The following CSNK1G1 variants were observed in gnomAD, a reference collection of about 807,000 sequenced individuals.
The protein encoded by CSNK1G1 is casein kinase 1 gamma 1.
In CSNK1G1, 22 loss-of-function variants were observed where a neutral mutation model predicts 59.6. The observed-to-expected ratio is 0.37, with a 90% CI of 0.26 to 0.53. The LOEUF is 0.53. CSNK1G1 is among the 20% of genes least tolerant of loss of function. The probability of loss-of-function intolerance (pLI) is 0.89; values close to 1 mark genes in which losing one functional copy is unlikely to be tolerated. For synonymous variants in CSNK1G1, 179 were observed against 177.1 expected (o/e 1.01, Z -0.08); for missense variants, 384 against 519.5 (o/e 0.74, Z 2.54).
At chr15:64,237,141 G>A (rs987661252) in intron 4 of CSNK1G1, among the ~76,000 whole-genome samples, 4 of 152,144 alleles carry the variant, frequency 2.6e-5, no homozygotes, top group African/African-American at 7.2e-5. Flanking sequence ...GTGGGAGGGG[G>A]AAGGAAGATG....
intron 2 of CSNK1G1, among the ~76,000 whole-genome samples, chr15:64,264,843 CAATA>C (rs1892896976): frequency 6.6e-6 from 1 of 152,182 alleles, no homozygotes; most frequent in Admixed American, 6.5e-5. Context: ...TAAAAACTCT[CAATA>C]AATTAGGCAT....
intron 2 of CSNK1G1, among the ~76,000 whole-genome samples, chr15:64,272,943 A>C (rs932850402): frequency 6.6e-6 from 1 of 152,066 alleles, no homozygotes. Context: ...TGCTCAAGAG[A>C]TCCACCCACC....
chr15:64,247,788 C>T (rs1231777725), intron 4 of CSNK1G1, among the ~76,000 whole-genome samples: 1 of 152,060 alleles, frequency 6.6e-6, no homozygotes, highest in Non-Finnish European at 1.5e-5. Flanking sequence ...GGTCATAGTC[C>T]CAGGACAACA....
chr15:64,264,569 C>T (rs2140338466), intron 2 of CSNK1G1, among the ~76,000 whole-genome samples: 1 of 152,240 alleles, frequency 6.6e-6, no homozygotes, highest in East Asian at 1.9e-4. Flanking sequence ...CAGGATAAAA[C>T]AAAATAAAAC....
At chr15:64,198,658 A>G (rs1224302604) in intron 10 of CSNK1G1, among the ~76,000 whole-genome samples, 2 of 152,044 alleles carry the variant, frequency 1.3e-5, no homozygotes, top group African/African-American at 4.8e-5. Flanking sequence ...ACTTGAAAGG[A>G]ATTAGTCTAG....
intron 11 of CSNK1G1, among the ~76,000 whole-genome samples, chr15:64,175,421 A>C (rs2081730474): frequency 6.6e-6 from 1 of 152,176 alleles, no homozygotes. Context: ...TCCAGACTGC[A>C]ACAGACCAAC....
At chr15:64,278,372 ATGTGCGTGTG>A (rs1893884695) in intron 2 of CSNK1G1, among the ~76,000 whole-genome samples, 2 of 119,036 alleles carry the variant, frequency 1.7e-5, no homozygotes, top group Admixed American at 8.8e-5. Flanking sequence ...ATATGCATGT[ATGTGCGTGTG>A]TGTGTGTGTG....
At chr15:64,277,851 A>AT (rs1380941030) in intron 2 of CSNK1G1, among the ~76,000 whole-genome samples, 363 of 121,766 alleles carry the variant, frequency 3.0e-3, no homozygotes, top group Non-Finnish European at 4.3e-3. Flanking sequence ...ATATTTAATA[A>AT]TAATATTGAT....
chr15:64,263,292 G>A (rs983475544), intron 2 of CSNK1G1, among the ~76,000 whole-genome samples: 5 of 151,676 alleles, frequency 3.3e-5, no homozygotes, highest in Admixed American at 2.0e-4. Context: ...TGGTTCAAGC[G>A]ATTCTCCTGC....
chr15:64,320,823 A>T (rs1407038357), intron 1 of CSNK1G1, among the ~76,000 whole-genome samples: 1 of 152,140 alleles, frequency 6.6e-6, no homozygotes, highest in Admixed American at 6.6e-5. Flanking sequence ...ATTTTTTAAA[A>T]TTTTTAAATA....
Position 64,176,411 on chromosome 15 carries a change from T to TA in CSNK1G1, c.1214+3936dup, listed in dbSNP as rs1186176502. ...CAAACATGCAGTATGTGTCTGTGTT[T>TA]AGTTTCTTCTTCTGTCAAGGTAGGC... is the stretch of plus-strand genomic sequence containing the variant. On this transcript the variant is annotated intron_variant, in intron 11 of 11. Coordinates refer to ENST00000303052, the MANE Select transcript of CSNK1G1 (RefSeq NM_022048.5). This position sits in a 1 kb window ranked among gnomAD's most constrained non-coding sequence, Gnocchi z 5.2. 19 of 396,580 alleles carry TA rather than the reference T, an allele frequency of 4.8e-5. No individual in the cohort carries two copies. Among genetic ancestry groups the TA allele is most frequent in the Non-Finnish European group, 7.5e-5 (17 of 225,266 alleles). 24.6% of individuals were successfully genotyped at this position (396,580 alleles called of 1,614,324 possible). A position where few individuals can be genotyped will look rare whatever the true frequency, so the allele number is the denominator to read the frequency against.
chr15:64,350,360 G>T (rs1008929417), intron 1 of CSNK1G1, among the ~76,000 whole-genome samples: 1 of 152,018 alleles, frequency 6.6e-6, no homozygotes, highest in Non-Finnish European at 1.5e-5. Context: ...AATTAGCCGG[G>T]TGTGGTGGCA....
At position 64,213,796 on chromosome 15, in the gene CSNK1G1, C is replaced by T. The variant is rs1480179048; in HGVS notation, c.679+94G>A. 4 of 873,456 alleles carry T rather than the reference C, an allele frequency of 4.6e-6. No homozygotes were observed. The African/African-American group carries it at 5.1e-5, about 11-fold the overall frequency. 54.1% of individuals were successfully genotyped at this position (873,456 alleles called of 1,614,324 possible). A position where few individuals can be genotyped will look rare whatever the true frequency, so the allele number is the denominator to read the frequency against. ...ACTCAACCTTGTGAAACAATAAAAA[C>T]CACAAGTTGTAATGCACAATGGGGA... is the stretch of plus-strand genomic sequence containing the variant. On this transcript the variant is annotated intron_variant, in intron 6 of 11. Coordinates refer to ENST00000303052, the MANE Select transcript of CSNK1G1 (RefSeq NM_022048.5).
chr15:64,229,902 ATTTTTTTT>A lies in CSNK1G1; in HGVS notation c.293-13197_293-13190del, dbSNP rs533868270. Among the ~76,000 whole-genome samples the A allele has an allele frequency of 7.5e-3, 330 of 43,780 alleles. 5 individuals are homozygous for A. Among genetic ancestry groups the A allele is most frequent in the Non-Finnish European group, 0.01 (256 of 24,770 alleles). The allele number at this position is 43,780 out of a possible 152,430, so 28.7% of individuals were successfully genotyped here. Reference sequence around the variant, plus strand: ...CCTATATTTTTGGGCATGTTTGTAAATTTTTTTTTTTTTTTTTTTTTTTTTTTTTTTTT... The same window carrying A: ...CCTATATTTTTGGGCATGTTTGTAAATTTTTTTTTTTTTTTTTTTTTTTTT... On this transcript the variant is annotated intron_variant, in intron 4 of 11. Transcript: ENST00000303052.
chr15:64,292,211 A>C (rs1187283764), intron 2 of CSNK1G1, among the ~76,000 whole-genome samples: 2 of 146,680 alleles, frequency 1.4e-5, no homozygotes, highest in African/African-American at 5.1e-5. Flanking sequence ...CTCCGTCACA[A>C]AAAAAAAAAA....
rs2081608592 is a variant in CSNK1G1, at chr15:64,166,858, T to C, written c.*5073A>G. ...TGAATAATCCTCTGCTCTGAGACCT[T>C]ATAGATGGTGATGGCACTGGGAAAG... On this transcript the variant is annotated 3_prime_UTR_variant, in exon 12 of 12. Coordinates refer to ENST00000303052, the MANE Select transcript of CSNK1G1 (RefSeq NM_022048.5). This position sits in a 1 kb window ranked among gnomAD's most constrained non-coding sequence, Gnocchi z 4.5. 1 of 152,610 alleles carries C rather than the reference T, an allele frequency of 6.6e-6. No homozygotes were observed. The highest frequency in any genetic ancestry group is 2.4e-5 in the African/African-American group (1 of 41,426). 9.5% of individuals were successfully genotyped at this position (152,610 alleles called of 1,614,324 possible).
chr15:64,307,202 T>C (rs1174105988), intron 1 of CSNK1G1, among the ~76,000 whole-genome samples: 1 of 151,878 alleles, frequency 6.6e-6, no homozygotes, highest in Admixed American at 6.6e-5. Flanking sequence ...AGCATAGTAA[T>C]GCAAGACATT....
intron 4 of CSNK1G1, among the ~76,000 whole-genome samples, chr15:64,218,289 A>ATG (rs2082338098): frequency 1.3e-5 from 2 of 152,044 alleles, no homozygotes; most frequent in Non-Finnish European, 1.5e-5. Flanking sequence ...ATATAGACAG[A>ATG]TGTACATCTA....
intron 10 of CSNK1G1, among the ~76,000 whole-genome samples, chr15:64,196,792 G>T (rs1184812221): frequency 1.3e-5 from 2 of 149,120 alleles, no homozygotes; most frequent in African/African-American, 5.1e-5. Context: ...TGCTCTGTGT[G>T]TGTTTTTTTT....
Sources: gnomAD v4.1 joint callset for allele counts (sites outside exome capture counted in the v4.1 genomes callset) on GRCh38, gnomAD v4.1.1 for gene constraint, Gnocchi (gnomAD v3.1) non-coding constraint, MANE v1.5 for transcripts, NCBI Gene and HGNC (gene_info 2026-07-23, HGNC 2026-07-21) for gene names.